The following NSD3 variants were observed in gnomAD, a reference collection of about 807,000 sequenced individuals.
The protein encoded by NSD3 is nuclear receptor binding SET domain protein 3.
Under a neutral mutation model 160.8 loss-of-function variants are expected in NSD3, and 24 were observed. The ratio of observed to expected loss-of-function variants is 0.15; its 90% CI spans 0.11 to 0.21. The LOEUF (loss-of-function observed/expected upper bound fraction) is 0.21, where lower values mean the gene tolerates loss of function less well. Among genes scored for constraint, NSD3 ranks in the 10% least tolerant of loss-of-function variants. The probability of loss-of-function intolerance (pLI) is 1.00; values close to 1 mark genes in which losing one functional copy is unlikely to be tolerated. For synonymous variants in NSD3, 520 were observed against 600.0 expected (o/e 0.87, Z 1.95); for missense variants, 1,157 against 1,735.9 (o/e 0.67, Z 5.93).
At chr8:38,313,492 C>A (rs1001266582) in intron 12 of NSD3, among the ~76,000 whole-genome samples, 1 of 151,886 alleles carries the variant, frequency 6.6e-6, no homozygotes, top group African/African-American at 2.4e-5. Context: ...ATGCTTAGTA[C>A]TTGTAGCACC....
At chr8:38,305,162 T>C (rs1262369717) in intron 13 of NSD3, 86 bp downstream of exon 13, 1 of 1,359,292 alleles carries the variant, frequency 7.4e-7, no homozygotes, top group Non-Finnish European at 1.0e-6. Context: ...AAGAATGCCT[T>C]ATGTTGTTTG....
chr8:38,326,805 T>G lies in NSD3; in HGVS notation c.1633A>C (p.Ile545Leu). Residue 545 changes from isoleucine (I) to leucine (L), a missense_variant, in exon 7 of 24, where the codon ATT becomes CTT. By Grantham distance (5) the Ile-to-Leu change is conservative. Coordinates refer to ENST00000317025, the MANE Select transcript of NSD3 (RefSeq NM_023034.2). ...ISVRGQDRLI[I>L]STPNQRNEKP... ...TCATTTCTCTGGTTTGGTGTAGAAA[T>G]TATAAGCCTGTCTTGCCCCCTGACA... 1 of 1,614,070 alleles carries G rather than the reference T, an allele frequency of 6.2e-7. No homozygotes were observed. The highest frequency in any genetic ancestry group is 8.5e-7 in the Non-Finnish European group (1 of 1,179,986).
intron 1 of NSD3, among the ~76,000 whole-genome samples, chr8:38,365,741 C>A (rs769905896): frequency 6.6e-6 from 1 of 151,906 alleles, no homozygotes; most frequent in South Asian, 2.1e-4. Context: ...CCACCGCACC[C>A]GGCTTAGATT....
intron 1 of NSD3, among the ~76,000 whole-genome samples, chr8:38,369,042 C>A (rs1456215663): frequency 2.0e-5 from 3 of 151,990 alleles, no homozygotes; most frequent in African/African-American, 7.2e-5. Context: ...AGAATGTATG[C>A]CAAAGATGAT....
chr8:38,280,650 T>A (rs1475837793), intron 20 of NSD3, among the ~76,000 whole-genome samples: 1 of 152,110 alleles, frequency 6.6e-6, no homozygotes, highest in Non-Finnish European at 1.5e-5. Context: ...GACAAAAAAA[T>A]TAACTGAGAT....
At chr8:38,302,818 A>G (rs1266104854) in intron 14 of NSD3, among the ~76,000 whole-genome samples, 1 of 152,154 alleles carries the variant, frequency 6.6e-6, no homozygotes, top group East Asian at 1.9e-4. Flanking sequence ...TATGTTTTGT[A>G]GAGATGGGGT....
chr8:38,376,765 T>C (rs1811399008), intron 1 of NSD3, among the ~76,000 whole-genome samples: 1 of 152,076 alleles, frequency 6.6e-6, no homozygotes, highest in African/African-American at 2.4e-5. Flanking sequence ...AAGGAAGTAA[T>C]AGGTTGTGCT....
chr8:38,316,768 A>G lies in NSD3; in HGVS notation c.1856-726T>C, dbSNP rs1809676505. On this transcript the variant is annotated intron_variant, in intron 9 of 23. Coordinates refer to ENST00000317025, the MANE Select transcript of NSD3 (RefSeq NM_023034.2). This position sits in a 1 kb window ranked among gnomAD's most constrained non-coding sequence, Gnocchi z 4.5. Reference sequence around the variant, plus strand: ...GCCTCTATGTGGAATTTGTGCGGGAAGAAATAAATAGGAAAAAAAAGGCAG... The same window carrying G: ...GCCTCTATGTGGAATTTGTGCGGGAGGAAATAAATAGGAAAAAAAAGGCAG... The G allele has an allele frequency of 9.4e-7, 1 of 1,058,932 alleles. No individual in the cohort carries two copies. The highest frequency in any genetic ancestry group is 5.2e-5 in the East Asian group (1 of 19,202). The allele number at this position is 1,058,932 out of a possible 1,614,324, so 65.6% of individuals were successfully genotyped here.
intron 16 of NSD3, among the ~76,000 whole-genome samples, chr8:38,291,529 G>A (rs1278340559): frequency 6.6e-6 from 1 of 152,170 alleles, no homozygotes; most frequent in Non-Finnish European, 1.5e-5. Context: ...TGACATGATT[G>A]CACTCCCAGA....
Position 38,315,990 on chromosome 8 carries a change from G to A in NSD3, c.1908C>T (p.Ala636=). The A allele has an allele frequency of 6.2e-7, 1 of 1,613,428 alleles. No individual in the cohort carries two copies. ...SCKPLKKRSR[A]STDVEMTSSA... ...AACTAGTCATTTCTACATCAGTTGA[G>A]GCGCGACTCCTTTTCTTTAGAGGTT... Residue 636 remains alanine, a synonymous_variant, in exon 10 of 24, where the codon GCC becomes GCT. Coordinates refer to ENST00000317025, the MANE Select transcript of NSD3 (RefSeq NM_023034.2).
intron 7 of NSD3, among the ~76,000 whole-genome samples, chr8:38,322,526 AT>A (rs533988274): frequency 3.9e-5 from 6 of 152,330 alleles, no homozygotes; most frequent in Non-Finnish European, 5.9e-5. Flanking sequence ...GAACAAAAAA[AT>A]ATTTACTTGT....
chr8:38,305,530 C>G, intron 12 of NSD3, 85 bp from the exon 13 acceptor site: 1 of 1,308,940 alleles, frequency 7.6e-7, no homozygotes, highest in Admixed American at 2.2e-5. Flanking sequence ...CAAACAGCTA[C>G]TCCTAAAACA....
intron 1 of NSD3, among the ~76,000 whole-genome samples, chr8:38,378,996 T>G (rs541083467): frequency 7.7e-4 from 117 of 152,254 alleles, no homozygotes; most frequent in Non-Finnish European, 1.6e-3. Flanking sequence ...GAATCAGATT[T>G]GACAGTTCAC....
chr8:38,282,898 T>C (rs1808765734), intron 19 of NSD3, among the ~76,000 whole-genome samples: 1 of 152,250 alleles, frequency 6.6e-6, no homozygotes. Context: ...TTCCAGATTT[T>C]GGCTTTACAA....
chr8:38,292,779 A>G (rs1258696366), intron 16 of NSD3, among the ~76,000 whole-genome samples: 1 of 149,388 alleles, frequency 6.7e-6, no homozygotes, highest in African/African-American at 2.5e-5. Context: ...ACAGTGTGAG[A>G]CTCTGTCTCA....
intron 12 of NSD3, 63 bp downstream of exon 12, chr8:38,314,584 C>A: frequency 1.2e-6 from 2 of 1,603,582 alleles, no homozygotes; most frequent in Non-Finnish European, 1.7e-6. Flanking sequence ...GAGAGGTTGT[C>A]AGTGCACATT....
chr8:38,365,535 C>T (rs958560353), intron 1 of NSD3, among the ~76,000 whole-genome samples: 5 of 152,308 alleles, frequency 3.3e-5, no homozygotes, highest in Non-Finnish European at 5.9e-5. Context: ...TACACTAGCA[C>T]GATCTCAGCT....
In NSD3 at chr8:38,270,504, ATTATC is replaced by A. The variant is rs1021160034; in HGVS notation, c.*5132_*5136del. 11 of 152,344 alleles carry A rather than the reference ATTATC, an allele frequency of 7.2e-5. No individual in the cohort carries two copies. The South Asian group carries it at 1.7e-3, about 23-fold the overall frequency. The allele number at this position is 152,344 out of a possible 1,614,324, so 9.4% of individuals were successfully genotyped here. A position where few individuals can be genotyped will look rare whatever the true frequency, so the allele number is the denominator to read the frequency against. On this transcript the variant is annotated 3_prime_UTR_variant, in exon 24 of 24. Transcript: ENST00000317025. ...CATCTTGATTATTAGTGGCAATATA[ATTATC>A]TTAACATAGGGCATGTAACAGGACA...
chr8:38,335,304 A>C (rs1230259315), intron 4 of NSD3, among the ~76,000 whole-genome samples: 2 of 152,192 alleles, frequency 1.3e-5, no homozygotes, highest in Non-Finnish European at 2.9e-5. Flanking sequence ...AGGTTAATTA[A>C]TAAAACTAAA....
Sources: gnomAD v4.1 joint callset for allele counts (sites outside exome capture counted in the v4.1 genomes callset) on GRCh38, gnomAD v4.1.1 for gene constraint, Gnocchi (gnomAD v3.1) non-coding constraint, MANE v1.5 for transcripts, NCBI Gene and HGNC (gene_info 2026-07-23, HGNC 2026-07-21) for gene names.